The following KCNQ3 variants were observed in gnomAD, a reference collection of about 807,000 sequenced individuals.
KCNQ3 encodes the protein potassium voltage-gated channel subfamily Q member 3.
KCNQ3 carries 30 observed loss-of-function variants against 92.5 expected under a neutral mutation model. That is an observed-to-expected ratio of 0.32 (90% confidence interval 0.24 to 0.44). The LOEUF is 0.44. Among genes scored for constraint, KCNQ3 ranks in the 20% least tolerant of loss-of-function variants. The pLI, the probability that KCNQ3 is intolerant of heterozygous loss-of-function variation, is 1.00. For synonymous variants in KCNQ3, 450 were observed against 468.8 expected, an observed-to-expected ratio of 0.96 and a Z score of 0.52; for missense variants, 913 against 1,140.3, an observed-to-expected ratio of 0.80 and a Z score of 2.87.
At chr8:132,463,794 C>T (rs926324460) in intron 1 of KCNQ3, among the ~76,000 whole-genome samples, 1 of 152,230 alleles carries the variant, frequency 6.6e-6, no homozygotes, top group Non-Finnish European at 1.5e-5. Flanking sequence ...TTCAGCATTA[C>T]TTTTATTCAG....
intron 12 of KCNQ3, among the ~76,000 whole-genome samples, chr8:132,136,956 C>T (rs530919481): frequency 6.6e-6 from 1 of 151,592 alleles, no homozygotes; most frequent in South Asian, 2.1e-4. Context: ...CTCCGCCCCC[C>T]CAGGTTCAAG....
At chr8:132,281,542 G>A (rs116222727) in intron 1 of KCNQ3, among the ~76,000 whole-genome samples, 1 of 59,002 alleles carries the variant, frequency 1.7e-5, no homozygotes, top group Non-Finnish European at 3.4e-5. Flanking sequence ...GTGTGTATAT[G>A]TGTGTGTATA....
At chr8:132,391,523 C>G (rs544915617) in intron 1 of KCNQ3, among the ~76,000 whole-genome samples, 2 of 152,236 alleles carry the variant, frequency 1.3e-5, no homozygotes, top group African/African-American at 4.8e-5. Flanking sequence ...AAAACAAATT[C>G]TGCAGGCTGA....
intron 1 of KCNQ3, among the ~76,000 whole-genome samples, chr8:132,449,758 G>A (rs1012424527): frequency 5.3e-5 from 8 of 152,128 alleles, no homozygotes; most frequent in African/African-American, 1.9e-4. Context: ...GGAGAGCTGG[G>A]GGCTACATGT....
chr8:132,333,377 A>C (rs954791623), intron 1 of KCNQ3, among the ~76,000 whole-genome samples: 3 of 152,214 alleles, frequency 2.0e-5, no homozygotes, highest in African/African-American at 7.2e-5. Flanking sequence ...TGGACTTATA[A>C]ATATTTCATT....
intron 1 of KCNQ3, among the ~76,000 whole-genome samples, chr8:132,356,666 C>G (rs779632042): frequency 4.6e-5 from 7 of 152,182 alleles, no homozygotes; most frequent in Non-Finnish European, 1.0e-4. Flanking sequence ...AACTGTTGTG[C>G]TATTTCTTAA....
intron 1 of KCNQ3, among the ~76,000 whole-genome samples, chr8:132,425,101 C>T (rs975496564): frequency 6.6e-6 from 1 of 152,158 alleles, no homozygotes; most frequent in African/African-American, 2.4e-5. Flanking sequence ...GGTAAAGACC[C>T]TCAGATCAAA....
intron 1 of KCNQ3, among the ~76,000 whole-genome samples, chr8:132,372,232 T>G (rs1819491209): frequency 6.6e-6 from 1 of 152,206 alleles, no homozygotes; most frequent in Non-Finnish European, 1.5e-5. Flanking sequence ...TTCCCTTTCT[T>G]GCTTACCCCA....
Position 132,461,921 on chromosome 8 carries a change from C to G in KCNQ3, c.386+18226G>C, listed in dbSNP as rs1372312365. Among the ~76,000 whole-genome samples the G allele has an allele frequency of 2.0e-5, 3 of 152,254 alleles. No homozygotes were observed. In the East Asian group the frequency reaches 5.8e-4, roughly 29 times the overall value. On this transcript the variant is annotated intron_variant, in intron 1 of 14. Transcript: ENST00000388996. ...GAGTTCTTTGTATGTTTGCTACAAG[C>G]TCTTTATCAGATAGGTGTGTGGCAA...
At chr8:132,130,228 C>T (rs1217458913) in intron 14 of KCNQ3, among the ~76,000 whole-genome samples, 1 of 151,832 alleles carries the variant, frequency 6.6e-6, no homozygotes, top group Non-Finnish European at 1.5e-5. Context: ...ATTACAGGCA[C>T]CCGCCACCAT....
intron 1 of KCNQ3, among the ~76,000 whole-genome samples, chr8:132,386,643 G>A (rs947157485): frequency 6.6e-6 from 1 of 152,040 alleles, no homozygotes; most frequent in Non-Finnish European, 1.5e-5. Context: ...TATTAAAGAG[G>A]TTTATTTCTA....
intron 1 of KCNQ3, among the ~76,000 whole-genome samples, chr8:132,322,244 A>T (rs1817917384): frequency 6.6e-6 from 1 of 152,210 alleles, no homozygotes; most frequent in Admixed American, 6.5e-5. Flanking sequence ...TGCTTCTCTC[A>T]TCTCTGCTAA....
At chr8:132,459,391 G>C (rs1420024254) in intron 1 of KCNQ3, among the ~76,000 whole-genome samples, 3 of 152,172 alleles carry the variant, frequency 2.0e-5, no homozygotes, top group Non-Finnish European at 2.9e-5. Flanking sequence ...AGGACCTCCA[G>C]TTGCTTCCAC....
chr8:132,463,770 G>A (rs1457941528), intron 1 of KCNQ3, among the ~76,000 whole-genome samples: 1 of 152,194 alleles, frequency 6.6e-6, no homozygotes, highest in Non-Finnish European at 1.5e-5. Flanking sequence ...TAGGAATTAT[G>A]ATACCATATT....
intron 1 of KCNQ3, among the ~76,000 whole-genome samples, chr8:132,370,038 C>T (rs1456037702): frequency 7.2e-5 from 11 of 152,120 alleles, no homozygotes; most frequent in Non-Finnish European, 1.5e-5. Flanking sequence ...TGGTGGAAAC[C>T]TCTGCTGTCT....
chr8:132,479,114 CT>C (rs1415016238), intron 1 of KCNQ3, among the ~76,000 whole-genome samples: 1 of 152,178 alleles, frequency 6.6e-6, no homozygotes, highest in Non-Finnish European at 1.5e-5. Flanking sequence ...GCCCTGCCAG[CT>C]CCGAGATGGG....
chr8:132,390,483 A>C (rs1315444518), intron 1 of KCNQ3, among the ~76,000 whole-genome samples: 1 of 152,190 alleles, frequency 6.6e-6, no homozygotes, highest in Non-Finnish European at 1.5e-5. Context: ...GCAACCCAAC[A>C]AAAACATTAA....
chr8:132,325,987 T>C (rs1380183270), intron 1 of KCNQ3, among the ~76,000 whole-genome samples: 1 of 152,108 alleles, frequency 6.6e-6, no homozygotes. Context: ...AAAGGGACAA[T>C]ATTTGTTGGG....
intron 1 of KCNQ3, among the ~76,000 whole-genome samples, chr8:132,478,293 G>A (rs543866103): frequency 6.6e-6 from 1 of 152,172 alleles, no homozygotes; most frequent in Non-Finnish European, 1.5e-5. Context: ...GGCAGGGCTG[G>A]AGGTGCTGGC....
Sources: allele counts gnomAD v4.1 joint callset (sites outside exome capture counted in the v4.1 genomes callset), GRCh38; gene constraint gnomAD v4.1.1; transcripts MANE v1.5; gene names NCBI Gene and HGNC (gene_info 2026-07-23, HGNC 2026-07-21).